NUDT5: variants seen among roughly 807,000 people sequenced by gnomAD.
NUDT5 encodes ADP-sugar pyrophosphatase.
Under a neutral mutation model 34.1 loss-of-function variants are expected in NUDT5, and 21 were observed. The ratio of observed to expected loss-of-function variants is 0.62; its 90% confidence interval spans 0.44 to 0.89. NUDT5 has a LOEUF of 0.89. Ranked by LOEUF, NUDT5 falls within the 40% of genes least tolerant of loss-of-function variation. The pLI is 0.00. For missense variants in NUDT5, 249 were observed against 274.8 expected (o/e 0.91, Z 0.66); for synonymous variants, 85 against 97.6 (o/e 0.87, Z 0.76).
rs1709627786 is a variant in NUDT5 at position 12,165,779 on chromosome 10, C to CT, written c.*1922dup. ...TGTGGTATGTCTTACGTAGCTTATG[C>CT]TTACAAAGCCAAATAATCGCAGGGC... On this transcript the variant is annotated 3_prime_UTR_variant, in exon 10 of 10. Coordinates refer to ENST00000491614, the MANE Select transcript of NUDT5 (RefSeq NM_014142.4). The CT allele has an allele frequency of 6.6e-6, 1 of 152,162 alleles. No homozygotes were observed. Among genetic ancestry groups the CT allele is most frequent in the South Asian group, 2.1e-4 (1 of 4,830 alleles). The allele number at this position is 152,162 out of a possible 1,614,324, so 9.4% of individuals were successfully genotyped here.
chr10:12,177,246 G>A (rs1834965024), intron 5 of NUDT5, among the ~76,000 whole-genome samples: 1 of 152,202 alleles, frequency 6.6e-6, no homozygotes, highest in South Asian at 2.1e-4. Context: ...ACGGCAGGGT[G>A]CAAGGGCTCA....
In NUDT5 at chr10:12,184,867, G is replaced by A. The variant is rs773499376; in HGVS notation, c.131+22C>T. 17 of 1,314,094 alleles carry A rather than the reference G, an allele frequency of 1.3e-5. No homozygotes were observed. The East Asian group carries it at 2.7e-4, about 21-fold the overall frequency. The allele number at this position is 1,314,094 out of a possible 1,614,324, so 81.4% of individuals were successfully genotyped here. On this transcript the variant is annotated intron_variant, in intron 3 of 9. Coordinates refer to ENST00000491614, the MANE Select transcript of NUDT5 (RefSeq NM_014142.4). ...TGAGAACCCAAATAACGAACATTTT[G>A]TAAGAAAAAAAAAAAGTTTACCTAG...
intron 5 of NUDT5, among the ~76,000 whole-genome samples, chr10:12,177,265 A>G (rs1019649990): frequency 4.6e-5 from 7 of 152,208 alleles, no homozygotes; most frequent in African/African-American, 7.2e-5. Flanking sequence ...CACGCCTGTA[A>G]TCCCAGCACT....
In NUDT5 at chr10:12,173,927, T is replaced by C. The variant is rs540980499; in HGVS notation, c.290-114A>G. The stretch of plus-strand genomic sequence containing the variant: ...TGTCGCCCAGGCTGGAGTGCAGTGG[T>C]GCGATCTCGGCCCACTGCAACCTCC... On this transcript the variant is annotated intron_variant, in intron 5 of 9. Transcript: ENST00000491614. This position sits in a 1 kb window ranked among gnomAD's most constrained non-coding sequence, Gnocchi z 4.7. 13 of 761,166 alleles carry C rather than the reference T, an allele frequency of 1.7e-5. No homozygotes were observed. The highest frequency in any genetic ancestry group is 1.0e-4 in the African/African-American group (6 of 57,660). The allele number at this position is 761,166 out of a possible 1,614,324, so 47.2% of individuals were successfully genotyped here.
At position 12,184,976 on chromosome 10, in the gene NUDT5, TAAGTTGGGAAACTTTCAAACC is replaced by T; in HGVS notation, c.64-41_64-21del. On this transcript the variant is annotated intron_variant, in intron 2 of 9. Transcript: ENST00000491614. ...AATTAACTAAAAGGATATCAGATAA[TAAGTTGGGAAACTTTCAAACC>T]AAGTTGTTTTTATCTAAAAGGGTTT... The T allele has an allele frequency of 7.3e-7, 1 of 1,372,044 alleles. No homozygotes were observed. Among genetic ancestry groups the T allele is most frequent in the South Asian group, 1.2e-5 (1 of 80,992 alleles). The allele number at this position is 1,372,044 out of a possible 1,614,324, so 85.0% of individuals were successfully genotyped here.
rs1834814828 is a variant in NUDT5 at position 12,169,895 on chromosome 10, CA to C, written c.550+821del. ...CACATTTGAAGTAATCACTTAAAAA[CA>C]GTAGAAAAATCAGTTATCAATTACC... On this transcript the variant is annotated intron_variant, in intron 9 of 9. Coordinates refer to ENST00000491614, the MANE Select transcript of NUDT5 (RefSeq NM_014142.4). The surrounding 1 kb of genome is among the most constrained non-coding windows in gnomAD (Gnocchi z 4.8). 6 of 471,702 alleles carry C rather than the reference CA, an allele frequency of 1.3e-5. No individual in the cohort carries two copies. In the Admixed American group the frequency reaches 2.2e-4, roughly 17 times the overall value. 29.2% of individuals were successfully genotyped at this position (471,702 alleles called of 1,614,324 possible). A position where few individuals can be genotyped will look rare whatever the true frequency, so the allele number is the denominator to read the frequency against.
chr10:12,170,653 C>A lies in NUDT5; in HGVS notation c.550+64G>T. 1 of 1,415,550 alleles carries A rather than the reference C, an allele frequency of 7.1e-7. No individual in the cohort carries two copies. The highest frequency in any genetic ancestry group is 1.0e-6 in the Non-Finnish European group (1 of 1,000,814). 87.7% of individuals were successfully genotyped at this position (1,415,550 alleles called of 1,614,324 possible). ...AAGAAATGGAGTTATATTTAGTACCCAGTTTGCTGGGATGGGGACGGGGAG... is the reference window on the plus strand; with the variant it reads ...AAGAAATGGAGTTATATTTAGTACCAAGTTTGCTGGGATGGGGACGGGGAG... On this transcript the variant is annotated intron_variant, in intron 9 of 9. Transcript: ENST00000491614. This position sits in a 1 kb window ranked among gnomAD's most constrained non-coding sequence, Gnocchi z 4.9.
At chr10:12,192,829 C>T (rs776224073) in intron 1 of NUDT5, among the ~76,000 whole-genome samples, 10 of 151,282 alleles carry the variant, frequency 6.6e-5, no homozygotes, top group South Asian at 4.2e-4. Flanking sequence ...CCAGCCTGGG[C>T]GACAGAGCGA....
At chr10:12,184,682 C>T in intron 3 of NUDT5, 3 of 775,408 alleles carry the variant, frequency 3.9e-6, no homozygotes, top group South Asian at 4.0e-5. Flanking sequence ...AAATAGTTTT[C>T]TGATTAGTTA....
At position 12,170,884 on chromosome 10, in the gene NUDT5, G is replaced by C; in HGVS notation, c.496+16C>G. The C allele has an allele frequency of 6.2e-7, 1 of 1,613,904 alleles. No individual in the cohort carries two copies. The highest frequency in any genetic ancestry group is 2.2e-5 in the East Asian group (1 of 44,876). On this transcript the variant is annotated intron_variant, in intron 8 of 9. Coordinates refer to ENST00000491614, the MANE Select transcript of NUDT5 (RefSeq NM_014142.4). The surrounding 1 kb of genome is among the most constrained non-coding windows in gnomAD (Gnocchi z 4.9). Reference sequence around the variant, plus strand: ...TAAGTCATACACGCTCGGCCACCAGGAGTTGCAGAACATACCTCCATCCCC... The same window carrying C: ...TAAGTCATACACGCTCGGCCACCAGCAGTTGCAGAACATACCTCCATCCCC...
chr10:12,191,236 T>C (rs1230434709), intron 1 of NUDT5, among the ~76,000 whole-genome samples: 2 of 151,850 alleles, frequency 1.3e-5, no homozygotes, highest in African/African-American at 2.4e-5. Context: ...ACAAAAAAAT[T>C]AGCCAGGCTT....
At chr10:12,186,137 T>A (rs1336183406) in intron 2 of NUDT5, 92 bp downstream of exon 2, 1 of 1,035,444 alleles carries the variant, frequency 9.7e-7, no homozygotes, top group African/African-American at 1.6e-5. Context: ...TCTTCAAGAA[T>A]GAAAGACCAC....
At chr10:12,179,875 T>C (rs571710311) in intron 3 of NUDT5, among the ~76,000 whole-genome samples, 1 of 152,344 alleles carries the variant, frequency 6.6e-6, no homozygotes, top group African/African-American at 2.4e-5. Flanking sequence ...GACACAATTA[T>C]GCAGTTTAAA....
At chr10:12,177,505 C>G (rs1208580442) in intron 5 of NUDT5, among the ~76,000 whole-genome samples, 1 of 152,026 alleles carries the variant, frequency 6.6e-6, no homozygotes, top group Admixed American at 6.6e-5. Flanking sequence ...GGTGATAGAG[C>G]GAGACTCCGT....
At chr10:12,185,857 G>A (rs1190739731) in intron 2 of NUDT5, among the ~76,000 whole-genome samples, 1 of 152,172 alleles carries the variant, frequency 6.6e-6, no homozygotes. Flanking sequence ...AATTAACAAC[G>A]TAGGTTTTTA....
At position 12,169,292 on chromosome 10, in the gene NUDT5, G is replaced by C; in HGVS notation, c.550+1425C>G. ...GAAGTTAAGAAGGTGGAAGGGAGAA[G>C]GAAGACATTTTACAAAAAGGATACT... is the stretch of plus-strand genomic sequence containing the variant. On this transcript the variant is annotated intron_variant, in intron 9 of 9. Transcript: ENST00000491614. The surrounding 1 kb of genome is among the most constrained non-coding windows in gnomAD (Gnocchi z 4.8). The C allele has an allele frequency of 6.4e-7, 1 of 1,554,970 alleles. No individual in the cohort carries two copies. The highest frequency in any genetic ancestry group is 8.7e-7 in the Non-Finnish European group (1 of 1,148,210).
intron 1 of NUDT5, among the ~76,000 whole-genome samples, chr10:12,192,479 A>C (rs1160987305): frequency 6.6e-6 from 1 of 152,178 alleles, no homozygotes; most frequent in Non-Finnish European, 1.5e-5. Context: ...CTTGATTTAG[A>C]AGGAACAAAG....
intron 3 of NUDT5, among the ~76,000 whole-genome samples, chr10:12,179,834 G>A (rs1835016297): frequency 6.6e-6 from 1 of 152,150 alleles, no homozygotes; most frequent in African/African-American, 2.4e-5. Context: ...CTTGGAACAT[G>A]GGGCACAGTT....
At position 12,168,371 on chromosome 10, in the gene NUDT5, C is replaced by A. The variant is rs1398840219; in HGVS notation, c.551-560G>T. Among the ~76,000 whole-genome samples, 1 of 152,132 alleles carries A rather than the reference C, an allele frequency of 6.6e-6. No individual in the cohort carries two copies. Among genetic ancestry groups the A allele is most frequent in the Non-Finnish European group, 1.5e-5 (1 of 68,022 alleles). On this transcript the variant is annotated intron_variant, in intron 9 of 9. Transcript: ENST00000491614. This position sits in a 1 kb window ranked among gnomAD's most constrained non-coding sequence, Gnocchi z 4.8. Reference sequence around the variant, plus strand: ...ACAGCAAAGTTGGAAGTGTATAGAGCCAATCGCTATACCTCATTTATAGCT... The same window carrying A: ...ACAGCAAAGTTGGAAGTGTATAGAGACAATCGCTATACCTCATTTATAGCT...
Sources: gnomAD v4.1 joint callset for allele counts (sites outside exome capture counted in the v4.1 genomes callset) on GRCh38, gnomAD v4.1.1 for gene constraint, Gnocchi (gnomAD v3.1) non-coding constraint, MANE v1.5 for transcripts, NCBI Gene and HGNC (gene_info 2026-07-23, HGNC 2026-07-21) for gene names.